Variants in LRMDA observed in about 807,000 individuals in gnomAD.
LRMDA encodes the protein leucine rich melanocyte differentiation associated.
LRMDA carries 18 observed loss-of-function variants against 29.8 expected under a neutral mutation model. The ratio of observed to expected loss-of-function variants is 0.60; its 90% confidence interval spans 0.42 to 0.90. The LOEUF (loss-of-function observed/expected upper bound fraction) is 0.90. Among genes scored for constraint, LRMDA ranks in the 40% least tolerant of loss-of-function variants. The pLI, the probability that LRMDA is intolerant of heterozygous loss-of-function variation, is 0.00. For synonymous variants in LRMDA, 125 were observed against 109.4 expected, an observed-to-expected ratio of 1.14 and a Z score of -0.89; for missense variants, 273 against 273.9, an observed-to-expected ratio of 1.00 and a Z score of 0.02.
At chr10:75,874,880 T>C (rs1036023408) in intron 2 of LRMDA, among the ~76,000 whole-genome samples, 1 of 152,236 alleles carries the variant, frequency 6.6e-6, no homozygotes, top group Non-Finnish European at 1.5e-5. Context: ...ACAACTTAAG[T>C]TACATTTTGG....
At chr10:76,153,539 TC>T (rs1850485336) in intron 5 of LRMDA, among the ~76,000 whole-genome samples, 1 of 152,190 alleles carries the variant, frequency 6.6e-6, no homozygotes, top group South Asian at 2.1e-4. Context: ...CATGTGGATA[TC>T]CAGTTCTCCC....
chr10:76,450,484 A>G (rs975246869), intron 6 of LRMDA, among the ~76,000 whole-genome samples: 9 of 152,164 alleles, frequency 5.9e-5, no homozygotes, highest in African/African-American at 2.2e-4. Context: ...CCTTATAAGC[A>G]TATAAAACTT....
intron 6 of LRMDA, among the ~76,000 whole-genome samples, chr10:76,365,319 T>G (rs1295166403): frequency 6.6e-6 from 1 of 151,958 alleles, no homozygotes; most frequent in African/African-American, 2.4e-5. Context: ...TTAAGGAATC[T>G]CCACACTGTT....
chr10:75,648,048 G>C (rs1841548697), intron 2 of LRMDA, among the ~76,000 whole-genome samples: 1 of 152,212 alleles, frequency 6.6e-6, no homozygotes, highest in South Asian at 2.1e-4. Flanking sequence ...GGGTGGCTCA[G>C]CTAGTATGGC....
chr10:75,519,985 T>C (rs910350872), intron 2 of LRMDA, among the ~76,000 whole-genome samples: 4 of 152,228 alleles, frequency 2.6e-5, no homozygotes, highest in African/African-American at 7.2e-5. Context: ...ATTCTTTTCT[T>C]TAAGAATGTT....
At chr10:76,435,564 C>T (rs1367945742) in intron 6 of LRMDA, among the ~76,000 whole-genome samples, 1 of 152,174 alleles carries the variant, frequency 6.6e-6, no homozygotes, top group Non-Finnish European at 1.5e-5. Context: ...CAAGAAATAA[C>T]CAAAAGGAGA....
chr10:75,865,669 G>T (rs557163461), intron 2 of LRMDA, among the ~76,000 whole-genome samples: 1 of 152,254 alleles, frequency 6.6e-6, no homozygotes, highest in African/African-American at 2.4e-5. Flanking sequence ...TGCCGTCTGG[G>T]TTAGCTTTTA....
At chr10:75,648,170 T>C (rs750768804) in intron 2 of LRMDA, among the ~76,000 whole-genome samples, 2 of 152,228 alleles carry the variant, frequency 1.3e-5, no homozygotes, top group Non-Finnish European at 2.9e-5. Flanking sequence ...ACCACCCTGT[T>C]AGGCAGGGGC....
intron 2 of LRMDA, among the ~76,000 whole-genome samples, chr10:75,646,411 C>T (rs752248024): frequency 2.6e-5 from 4 of 152,142 alleles, no homozygotes; most frequent in Non-Finnish European, 4.4e-5. Flanking sequence ...CGTGCAGCAC[C>T]GGGCTCTTGC....
chr10:76,263,263 C>A (rs151307696), intron 5 of LRMDA, among the ~76,000 whole-genome samples: 1 of 150,322 alleles, frequency 6.7e-6, no homozygotes, highest in East Asian at 1.9e-4. Flanking sequence ...AAAGGAACTT[C>A]TAACAAACTT....
intron 2 of LRMDA, among the ~76,000 whole-genome samples, chr10:75,466,648 G>T (rs1386363740): frequency 2.0e-5 from 3 of 152,126 alleles, no homozygotes; most frequent in African/African-American, 7.2e-5. Flanking sequence ...GCAGGGCTTG[G>T]AGTGTCTTGG....
rs1024439872 is a variant in LRMDA at position 75,851,680 on chromosome 10, C to T, written c.132-184328C>T. ...TCAGCATAAATAATGAGTGAATGAACTGATAAAATGCAAAGTCACTGGCCA... is the reference window on the plus strand; with the variant it reads ...TCAGCATAAATAATGAGTGAATGAATTGATAAAATGCAAAGTCACTGGCCA... On this transcript the variant is annotated intron_variant, in intron 2 of 6. Coordinates refer to ENST00000611255, the MANE Select transcript of LRMDA (RefSeq NM_001305581.2). Among the ~76,000 whole-genome samples, 5 of 152,326 alleles carry T rather than the reference C, an allele frequency of 3.3e-5. No individual in the cohort carries two copies. In the East Asian group the frequency reaches 7.7e-4, roughly 23 times the overall value.
At chr10:76,130,910 G>A (rs1423313132) in intron 5 of LRMDA, among the ~76,000 whole-genome samples, 5 of 152,058 alleles carry the variant, frequency 3.3e-5, no homozygotes, top group African/African-American at 1.2e-4. Flanking sequence ...TGATCCACTC[G>A]CCTCGGCCTC....
At chr10:75,710,181 A>G (rs1001921260) in intron 2 of LRMDA, among the ~76,000 whole-genome samples, 5 of 152,230 alleles carry the variant, frequency 3.3e-5, no homozygotes, top group East Asian at 1.9e-4. Context: ...TGATAATTAT[A>G]TATCAGAATC....
At chr10:75,517,491 GCTGT>G (rs1163794868) in intron 2 of LRMDA, among the ~76,000 whole-genome samples, 2 of 151,950 alleles carry the variant, frequency 1.3e-5, no homozygotes, top group Admixed American at 1.3e-4. Flanking sequence ...TCATGATTTG[GCTGT>G]CTGTTTGTCT....
At chr10:76,154,776 A>G (rs1850508053) in intron 5 of LRMDA, among the ~76,000 whole-genome samples, 1 of 152,214 alleles carries the variant, frequency 6.6e-6, no homozygotes, top group Non-Finnish European at 1.5e-5. Context: ...CATGGTCCGG[A>G]CATTAGCAAG....
intron 6 of LRMDA, among the ~76,000 whole-genome samples, chr10:76,424,750 A>G (rs1842106536): frequency 6.6e-6 from 1 of 152,242 alleles, no homozygotes; most frequent in Admixed American, 6.5e-5. Flanking sequence ...TCATAAAGCC[A>G]GTAAGTGATG....
chr10:75,724,476 G>A (rs1842607037), intron 2 of LRMDA, among the ~76,000 whole-genome samples: 1 of 152,084 alleles, frequency 6.6e-6, no homozygotes, highest in Non-Finnish European at 1.5e-5. Context: ...ATTTATCTGA[G>A]GTATGGGAAG....
At chr10:76,092,120 T>C (rs949107565) in intron 5 of LRMDA, among the ~76,000 whole-genome samples, 1 of 152,218 alleles carries the variant, frequency 6.6e-6, no homozygotes, top group Non-Finnish European at 1.5e-5. Context: ...TGGTTGAGGG[T>C]CATTTTCCCC....
Sources: allele counts gnomAD v4.1 joint callset (sites outside exome capture counted in the v4.1 genomes callset), GRCh38; gene constraint gnomAD v4.1.1; transcripts MANE v1.5; gene names NCBI Gene and HGNC (gene_info 2026-07-23, HGNC 2026-07-21).